Variants in METTL9 observed in about 807,000 individuals in gnomAD.
The protein encoded by METTL9 is protein-L-histidine N-pros-methyltransferase.
Under a neutral mutation model 36.0 loss-of-function variants are expected in METTL9, and 10 were observed. The observed-to-expected ratio is 0.28, with a 90% CI of 0.17 to 0.47. METTL9 has a LOEUF of 0.47. Among genes scored for constraint, METTL9 ranks in the 20% least tolerant of loss-of-function variants. METTL9 has a pLI of 0.99. For synonymous variants in METTL9, 175 were observed against 149.7 expected, an observed-to-expected ratio of 1.17 and a Z score of -1.23; for missense variants, 246 against 383.5, an observed-to-expected ratio of 0.64 and a Z score of 3.00.
intron 1 of METTL9, among the ~76,000 whole-genome samples, chr16:21,611,724 A>C (rs573406540): frequency 6.6e-6 from 1 of 152,128 alleles, no homozygotes; most frequent in South Asian, 2.1e-4. Context: ...GGAGGCTGAG[A>C]GATTTAAGTG....
intron 3 of METTL9, among the ~76,000 whole-genome samples, chr16:21,619,027 T>G (rs1189707474): frequency 6.6e-6 from 1 of 152,172 alleles, no homozygotes; most frequent in Non-Finnish European, 1.5e-5. Flanking sequence ...GAATGATAAT[T>G]CGCTGTATGC....
Position 21,599,596 on chromosome 16 carries a change from G to A in METTL9, c.-138G>A, listed in dbSNP as rs1323241103. 2.3e-6 allele frequency: 3 copies of A among 1,315,192 alleles called. No homozygotes were observed. Among genetic ancestry groups the A allele is most frequent in the South Asian group, 4.1e-5 (2 of 48,222 alleles). The allele number at this position is 1,315,192 out of a possible 1,614,324, so 81.5% of individuals were successfully genotyped here. ...CTGCTCCTCCCCACCCCCAGCCTTT[G>A]CCCTGAAGGGGGCTGGATGGGCAAG... On this transcript the variant is annotated 5_prime_UTR_variant, in exon 1 of 5. Coordinates refer to ENST00000358154, the MANE Select transcript of METTL9 (RefSeq NM_016025.5). This position sits in a 1 kb window ranked among gnomAD's most constrained non-coding sequence, Gnocchi z 4.4.
chr16:21,599,767 C>T lies in METTL9; in HGVS notation c.34C>T (p.Leu12=), dbSNP rs373044765. ...RLLAGWLCLS[L]ASVWLARRMW... ...GCTGGCGGGCTGGCTGTGCCTGAGC[C>T]TGGCGTCCGTGTGGCTGGCGCGGAG... is the stretch of plus-strand genomic sequence containing the variant. The change falls in exon 1 of 5, where the codon CTG becomes TTG. Residue 12 remains leucine (L), a synonymous_variant. Coordinates refer to ENST00000358154, the MANE Select transcript of METTL9 (RefSeq NM_016025.5). This position sits in a 1 kb window ranked among gnomAD's most constrained non-coding sequence, Gnocchi z 4.4. The T allele has an allele frequency of 4.5e-6, 7 of 1,540,916 alleles. No homozygotes were observed. Among genetic ancestry groups the T allele is most frequent in the Non-Finnish European group, 6.1e-6 (7 of 1,151,150 alleles).
intron 1 of METTL9, among the ~76,000 whole-genome samples, chr16:21,601,482 A>AC (rs1172524331): frequency 6.6e-6 from 1 of 152,124 alleles, no homozygotes; most frequent in Non-Finnish European, 1.5e-5. Context: ...TATCATGATT[A>AC]CCCCTACTGC....
At chr16:21,630,976 C>T (rs1965945801) in intron 4 of METTL9, among the ~76,000 whole-genome samples, 1 of 152,182 alleles carries the variant, frequency 6.6e-6, no homozygotes, top group East Asian at 1.9e-4. Flanking sequence ...CAACACTCTT[C>T]TCCTAAGAAG....
intron 4 of METTL9, among the ~76,000 whole-genome samples, chr16:21,648,185 C>T (rs772264471): frequency 1.8e-4 from 28 of 152,212 alleles, no homozygotes; most frequent in Non-Finnish European, 3.4e-4. Flanking sequence ...TTCTCCCTGG[C>T]GTGTGTGCTG....
At chr16:21,611,031 A>C (rs1167650998) in intron 1 of METTL9, among the ~76,000 whole-genome samples, 1 of 152,062 alleles carries the variant, frequency 6.6e-6, no homozygotes, top group Non-Finnish European at 1.5e-5. Flanking sequence ...TTAAGCAAGA[A>C]CATTTTCAGA....
At chr16:21,627,295 T>A in intron 4 of METTL9, 1 of 985,312 alleles carries the variant, frequency 1.0e-6, no homozygotes, top group Non-Finnish European at 1.2e-6. Flanking sequence ...TGGCTTAATT[T>A]GTTTTTTTTT....
chr16:21,632,386 G>A (rs1399603360), intron 4 of METTL9, among the ~76,000 whole-genome samples: 1 of 152,184 alleles, frequency 6.6e-6, no homozygotes, highest in Non-Finnish European at 1.5e-5. Context: ...GTTACATCAT[G>A]AACTATGGCA....
intron 4 of METTL9, chr16:21,651,933 A>T (rs1966587128): frequency 6.6e-6 from 1 of 152,132 alleles, no homozygotes; most frequent in Non-Finnish European, 1.5e-5. Flanking sequence ...TCCCATTAAC[A>T]TTTTGATATA....
At chr16:21,616,820 CTTT>C (rs950536960) in intron 2 of METTL9, among the ~76,000 whole-genome samples, 5 of 152,062 alleles carry the variant, frequency 3.3e-5, no homozygotes, top group Admixed American at 6.6e-5. Context: ...TTTGAAATCA[CTTT>C]TTTTTCCTAT....
chr16:21,629,747 C>T (rs1407253818), intron 4 of METTL9, among the ~76,000 whole-genome samples: 1 of 152,192 alleles, frequency 6.6e-6, no homozygotes, highest in Admixed American at 6.5e-5. Context: ...CAGGTTGGTG[C>T]TGCTGGCTTG....
chr16:21,636,500 G>A (rs917681042), intron 4 of METTL9, among the ~76,000 whole-genome samples: 10 of 152,318 alleles, frequency 6.6e-5, no homozygotes, highest in Middle Eastern at 3.4e-3. Context: ...TCTGACAGGC[G>A]TTAGGACCCA....
intron 4 of METTL9, chr16:21,654,050 T>G (rs2141629550): frequency 6.9e-6 from 1 of 144,978 alleles, no homozygotes; most frequent in Admixed American, 6.8e-5. Context: ...TTTTTTTTTT[T>G]TTTTTTTTTG....
intron 4 of METTL9, chr16:21,641,373 A>G (rs978673888): frequency 6.6e-6 from 3 of 452,184 alleles, no homozygotes; most frequent in South Asian, 4.6e-5. Flanking sequence ...GGTAATGACT[A>G]TTAGTTATAG....
intron 4 of METTL9, chr16:21,653,385 T>G (rs1310219203): frequency 6.6e-6 from 1 of 152,486 alleles, no homozygotes; most frequent in Non-Finnish European, 1.5e-5. Flanking sequence ...GACCCCCTTT[T>G]AATGTGTTGA....
rs780421744 is a variant in METTL9 at position 21,652,571 on chromosome 16, C to T, written c.752-2656C>T. 42 of 1,610,434 alleles carry T rather than the reference C, an allele frequency of 2.6e-5. No homozygotes were observed. In the South Asian group the frequency reaches 2.7e-4, roughly 10 times the overall value. ...ATGAGATTGGTTTGCAGATGGCGAG[C>T]GATGTTGCTTCTGCTCGCAGTCCCC... On this transcript the variant is annotated intron_variant, in intron 4 of 4. Transcript: ENST00000358154.
At chr16:21,625,205 A>G (rs1264777563) in intron 4 of METTL9, 90 bp downstream of exon 4, 1 of 1,404,940 alleles carries the variant, frequency 7.1e-7, no homozygotes, top group Non-Finnish European at 1.0e-6. Flanking sequence ...AATATTGTCT[A>G]GTATGTCTTA....
chr16:21,646,928 A>G, intron 4 of METTL9: 1 of 622,508 alleles, frequency 1.6e-6, no homozygotes, highest in Non-Finnish European at 2.9e-6. Flanking sequence ...TGCTGGGATT[A>G]CAGGTGTGAG....
Sources: allele counts gnomAD v4.1 joint callset (sites outside exome capture counted in the v4.1 genomes callset), GRCh38; gene constraint gnomAD v4.1.1; non-coding constraint Gnocchi (gnomAD v3.1); transcripts MANE v1.5; gene names NCBI Gene and HGNC (gene_info 2026-07-23, HGNC 2026-07-21).